Variants in CAMKMT observed in about 807,000 individuals in gnomAD.
CAMKMT encodes CaM KMT.
In CAMKMT, 53 loss-of-function variants were observed where a neutral mutation model predicts 48.0. That is an observed-to-expected ratio of 1.10 (90% CI 0.89 to 1.39). The LOEUF is 1.39. CAMKMT is among the 40% of genes most tolerant of loss of function. The pLI, the probability that CAMKMT is intolerant of heterozygous loss-of-function variation, is 0.00. For missense variants in CAMKMT, 428 were observed against 402.7 expected, an observed-to-expected ratio of 1.06 and a Z score of -0.54; for synonymous variants, 165 against 152.3, an observed-to-expected ratio of 1.08 and a Z score of -0.61.
At chr2:44,755,475 A>G (rs1680332646) in intron 9 of CAMKMT, among the ~76,000 whole-genome samples, 1 of 152,250 alleles carries the variant, frequency 6.6e-6, no homozygotes, top group Non-Finnish European at 1.5e-5. Context: ...ATGAAAATGT[A>G]TCATACATAA....
intron 3 of CAMKMT, among the ~76,000 whole-genome samples, chr2:44,564,540 T>A (rs1668507479): frequency 6.6e-6 from 1 of 151,772 alleles, no homozygotes; most frequent in African/African-American, 2.4e-5. Flanking sequence ...TAACACATTT[T>A]GTTTGTTTGT....
chr2:44,698,025 A>G (rs532499943), intron 3 of CAMKMT, among the ~76,000 whole-genome samples: 18 of 152,328 alleles, frequency 1.2e-4, no homozygotes, highest in East Asian at 7.7e-4. Context: ...ATGTGTCTCT[A>G]TAACTAATTT....
chr2:44,660,761 C>T (rs1479024609), intron 3 of CAMKMT, among the ~76,000 whole-genome samples: 3 of 152,138 alleles, frequency 2.0e-5, no homozygotes, highest in African/African-American at 7.2e-5. Flanking sequence ...GCACACACTA[C>T]CATGCCTGGC....
intron 3 of CAMKMT, among the ~76,000 whole-genome samples, chr2:44,579,865 G>C (rs1343279924): frequency 6.6e-6 from 1 of 150,848 alleles, no homozygotes; most frequent in Non-Finnish European, 1.5e-5. Context: ...ACATACCCTT[G>C]TATAAATGAT....
intron 3 of CAMKMT, among the ~76,000 whole-genome samples, chr2:44,610,838 C>T (rs1325184024): frequency 6.6e-6 from 1 of 152,038 alleles, no homozygotes; most frequent in African/African-American, 2.4e-5. Context: ...TAAAACGGAT[C>T]CATAGACTCA....
intron 3 of CAMKMT, among the ~76,000 whole-genome samples, chr2:44,482,120 A>G (rs1668994748): frequency 6.6e-6 from 1 of 152,114 alleles, no homozygotes; most frequent in Non-Finnish European, 1.5e-5. Flanking sequence ...AGAGAATTGC[A>G]TAATAGACTG....
At chr2:44,490,478 T>C (rs1669440889) in intron 3 of CAMKMT, among the ~76,000 whole-genome samples, 1 of 152,164 alleles carries the variant, frequency 6.6e-6, no homozygotes, top group South Asian at 2.1e-4. Flanking sequence ...TTTCACCATG[T>C]TGGTCAGGCT....
At chr2:44,557,634 A>G (rs950104189) in intron 3 of CAMKMT, among the ~76,000 whole-genome samples, 2 of 152,206 alleles carry the variant, frequency 1.3e-5, no homozygotes, top group African/African-American at 4.8e-5. Context: ...AACAACAGTA[A>G]TAATCTCTTT....
Position 44,627,697 on chromosome 2 carries a change from C to CTTTTTTTTTTTTTTTTTTT in CAMKMT, c.377-76574_377-76556dup, listed in dbSNP as rs1174344846. On this transcript the variant is annotated intron_variant, in intron 3 of 10. Transcript: ENST00000378494. ...TTATTTATAATGGTCCCATTTTATCCTTTTTTTTTTTTTTTTTTTTTTTTT... is the reference window on the plus strand; with the variant it reads ...TTATTTATAATGGTCCCATTTTATCCTTTTTTTTTTTTTTTTTTTTTTTTTTTTTTTTTTTTTTTTTTTT... Among the ~76,000 whole-genome samples, 12 of 75,098 alleles carry CTTTTTTTTTTTTTTTTTTT rather than the reference C, an allele frequency of 1.6e-4. 4 individuals are homozygous for CTTTTTTTTTTTTTTTTTTT. The highest frequency in any genetic ancestry group is 3.4e-4 in the Admixed American group (2 of 5,890). The allele number at this position is 75,098 out of a possible 152,430, so 49.3% of individuals were successfully genotyped here.
At chr2:44,635,931 C>A (rs2103984569) in intron 3 of CAMKMT, among the ~76,000 whole-genome samples, 1 of 152,292 alleles carries the variant, frequency 6.6e-6, no homozygotes, top group South Asian at 2.1e-4. Context: ...TGAGTCACAG[C>A]AAACAATCCA....
chr2:44,634,538 A>C (rs1479831976), intron 3 of CAMKMT, among the ~76,000 whole-genome samples: 1 of 152,096 alleles, frequency 6.6e-6, no homozygotes, highest in Non-Finnish European at 1.5e-5. Flanking sequence ...TTAGAAATTT[A>C]CTTATACATC....
intron 1 of CAMKMT, among the ~76,000 whole-genome samples, chr2:44,367,832 C>G (rs1440984862): frequency 1.3e-5 from 2 of 152,148 alleles, no homozygotes; most frequent in Non-Finnish European, 2.9e-5. Context: ...GTGTAGTTGC[C>G]TGGTGTTGAT....
chr2:44,459,342 A>C (rs1667735440), intron 3 of CAMKMT, among the ~76,000 whole-genome samples: 1 of 152,162 alleles, frequency 6.6e-6, no homozygotes, highest in South Asian at 2.1e-4. Context: ...GGGTTTATAC[A>C]CACATTAAAT....
intron 3 of CAMKMT, among the ~76,000 whole-genome samples, chr2:44,410,911 T>G (rs1338190262): frequency 6.6e-6 from 1 of 152,198 alleles, no homozygotes; most frequent in African/African-American, 2.4e-5. Context: ...AATGTATCAT[T>G]ATGTATAAAA....
chr2:44,715,528 G>C (rs918736052), intron 7 of CAMKMT, among the ~76,000 whole-genome samples, 175 bp downstream of exon 7: 3 of 152,132 alleles, frequency 2.0e-5, no homozygotes, highest in Admixed American at 6.6e-5. Context: ...ATACTATGAG[G>C]CAGACAGACA....
intron 3 of CAMKMT, among the ~76,000 whole-genome samples, chr2:44,448,402 C>T (rs1667117814): frequency 3.9e-5 from 6 of 152,196 alleles, no homozygotes. Flanking sequence ...AGAGGGTCTT[C>T]AATTCTGTAC....
In CAMKMT at chr2:44,634,800, C is replaced by CAA. The variant is rs4039616; in HGVS notation, c.377-69472_377-69471dup. 7.3e-5 allele frequency among the ~76,000 whole-genome samples: 8 copies of CAA among 110,172 alleles called. 1 individual carries two copies. Among genetic ancestry groups the CAA allele is most frequent in the African/African-American group, 1.1e-4 (3 of 27,708 alleles). 72.3% of individuals were successfully genotyped at this position (110,172 alleles called of 152,430 possible). ...GGTATTCTCCAGGTTGAGGGCTAGC[C>CAA]AAAAAAAAAAAAGCATTCTAGTCAG... On this transcript the variant is annotated intron_variant, in intron 3 of 10. Coordinates refer to ENST00000378494, the MANE Select transcript of CAMKMT (RefSeq NM_024766.5).
At chr2:44,733,519 C>G (rs183381290) in intron 7 of CAMKMT, among the ~76,000 whole-genome samples, 1 of 152,092 alleles carries the variant, frequency 6.6e-6, no homozygotes, top group Non-Finnish European at 1.5e-5. Context: ...TTATGCCTGA[C>G]GTTAGGAAGA....
intron 2 of CAMKMT, among the ~76,000 whole-genome samples, 153 bp from the exon 3 acceptor site, chr2:44,390,088 C>A (rs947917058): frequency 1.2e-4 from 19 of 152,180 alleles, no homozygotes; most frequent in Admixed American, 1.0e-3. Flanking sequence ...TTCCTTCTCC[C>A]TCTAGTGGGC....
Sources: allele counts gnomAD v4.1 joint callset (sites outside exome capture counted in the v4.1 genomes callset), GRCh38; gene constraint gnomAD v4.1.1; transcripts MANE v1.5; gene names NCBI Gene and HGNC (gene_info 2026-07-23, HGNC 2026-07-21).